The following HEATR5B variants were observed in gnomAD, a reference collection of about 807,000 sequenced individuals.
The protein encoded by HEATR5B is HEAT repeat-containing protein 5B.
In HEATR5B, 156 loss-of-function variants were observed where a neutral mutation model predicts 224.1. The ratio of observed to expected loss-of-function variants is 0.70; its 90% CI spans 0.61 to 0.80. HEATR5B has a LOEUF of 0.80. Ranked by LOEUF, HEATR5B falls within the 30% of genes least tolerant of loss-of-function variation. HEATR5B has a pLI of 0.00. For synonymous variants in HEATR5B, 1,027 were observed against 893.0 expected (o/e 1.15, Z -2.68); for missense variants, 2,323 against 2,535.5 (o/e 0.92, Z 1.80).
intron 7 of HEATR5B, among the ~76,000 whole-genome samples, chr2:37,069,674 C>T (rs1204898809): frequency 1.3e-5 from 2 of 152,046 alleles, no homozygotes; most frequent in African/African-American, 4.8e-5. Flanking sequence ...AATGTAGGAA[C>T]TTCATTTAAA....
intron 33 of HEATR5B, among the ~76,000 whole-genome samples, chr2:36,992,441 C>T (rs1666393130): frequency 6.6e-6 from 1 of 151,896 alleles, no homozygotes; most frequent in African/African-American, 2.4e-5. Context: ...ATTAGCCAGG[C>T]TTGGTGGTGC....
At chr2:37,083,658 AG>A (rs1488747785) in intron 1 of HEATR5B, among the ~76,000 whole-genome samples, 1 of 152,226 alleles carries the variant, frequency 6.6e-6, no homozygotes, top group African/African-American at 2.4e-5. Context: ...TGGAGTGAAA[AG>A]AAAATTAAAA....
intron 21 of HEATR5B, among the ~76,000 whole-genome samples, chr2:37,033,064 A>T (rs1486099973): frequency 6.6e-6 from 1 of 151,916 alleles, no homozygotes; most frequent in East Asian, 1.9e-4. Flanking sequence ...TATTTTTAGT[A>T]GTGTCGGGTT....
At position 36,981,236 on chromosome 2, in the gene HEATR5B, T is replaced by C. The variant is rs1665559491; in HGVS notation, c.*254A>G. The C allele has an allele frequency of 2.9e-6, 1 of 349,732 alleles. No individual in the cohort carries two copies. The highest frequency in any genetic ancestry group is 2.1e-5 in the African/African-American group (1 of 47,218). 21.7% of individuals were successfully genotyped at this position (349,732 alleles called of 1,614,324 possible). ...TAAATTTAAGACTATGGCTCAGTGT[T>C]TGAAAAATAAATAAGTTAACAAAAG... On this transcript the variant is annotated 3_prime_UTR_variant, in exon 36 of 36. Transcript: ENST00000233099.
intron 7 of HEATR5B, among the ~76,000 whole-genome samples, chr2:37,069,917 A>G (rs1432735643): frequency 5.7e-5 from 5 of 87,498 alleles, no homozygotes; most frequent in Non-Finnish European, 1.1e-4. Context: ...TTTTTTTTTG[A>G]GATGGAGTCT....
chr2:37,019,812 G>T lies in HEATR5B; in HGVS notation c.4101C>A (p.Cys1367Ter). 1 of 1,600,574 alleles carries T rather than the reference G, an allele frequency of 6.2e-7. No individual in the cohort carries two copies. The highest frequency in any genetic ancestry group is 8.6e-7 in the Non-Finnish European group (1 of 1,169,430). Residue 1367 changes from cysteine (C) to a stop codon, truncating the protein, a stop_gained, in exon 26 of 36, where the codon TGC becomes TGA. Transcript: ENST00000233099. LOFTEE classifies it high-confidence loss of function. ...DTPSDIIAKA[C>*]QVCSTWIGSG... ...AAAGTCCCATTTTTCTTCTTACCTGGCAAGCTTTCGCTATTATATCTGATG... is the reference window on the plus strand; with the variant it reads ...AAAGTCCCATTTTTCTTCTTACCTGTCAAGCTTTCGCTATTATATCTGATG...
chr2:36,990,806 A>G lies in HEATR5B; in HGVS notation c.5546-7T>C. 6.5e-7 allele frequency: 1 copy of G among 1,537,872 alleles called. No individual in the cohort carries two copies. Among genetic ancestry groups the G allele is most frequent in the Non-Finnish European group, 8.8e-7 (1 of 1,140,936 alleles). On this transcript the variant is annotated splice_region_variant and splice_polypyrimidine_tract_variant and intron_variant, in intron 33 of 35. Transcript: ENST00000233099. Reference sequence around the variant, plus strand: ...GGTGTAGGTACAGAGTCTTCTGAAAATGAAAAATGAAAGAAGTGTGCTGTT... The same window carrying G: ...GGTGTAGGTACAGAGTCTTCTGAAAGTGAAAAATGAAAGAAGTGTGCTGTT...
chr2:37,006,934 C>A (rs911666379), intron 29 of HEATR5B, 116 bp downstream of exon 29: 86 of 911,784 alleles, frequency 9.4e-5, no homozygotes, highest in Non-Finnish European at 9.1e-5. Flanking sequence ...AAAATCCTTT[C>A]ACTTTTCCTT....
At chr2:37,076,771 G>C (rs929294684) in intron 4 of HEATR5B, 140 bp downstream of exon 4, 7 of 609,282 alleles carry the variant, frequency 1.1e-5, no homozygotes, top group African/African-American at 1.1e-4. Flanking sequence ...ATTAAAAGAA[G>C]GGACAAGTAA....
chr2:36,991,136 T>C (rs1666299437), intron 33 of HEATR5B, among the ~76,000 whole-genome samples: 1 of 152,222 alleles, frequency 6.6e-6, no homozygotes. Context: ...TAAATTATTA[T>C]AAAATATTCT....
chr2:37,016,112 T>TC (rs1294146700), intron 26 of HEATR5B, among the ~76,000 whole-genome samples: 1 of 132,994 alleles, frequency 7.5e-6, no homozygotes, highest in Admixed American at 7.1e-5. Flanking sequence ...GTCCTTACTT[T>TC]CTTTTTTTTT....
chr2:37,082,589 T>G, intron 2 of HEATR5B, among the ~76,000 whole-genome samples: 1 of 152,314 alleles, frequency 6.6e-6, no homozygotes, highest in South Asian at 2.1e-4. Flanking sequence ...AACAATACCA[T>G]GAGCGATCTG....
chr2:37,082,793 A>G (rs1672683580), intron 2 of HEATR5B, among the ~76,000 whole-genome samples: 1 of 151,828 alleles, frequency 6.6e-6, no homozygotes, highest in Non-Finnish European at 1.5e-5. Flanking sequence ...AGCCTGTGAG[A>G]CCCCTGATTT....
chr2:37,020,709 A>T lies in HEATR5B; in HGVS notation c.3981T>A (p.Ser1327=), dbSNP rs1558741254. 3.1e-6 allele frequency: 5 copies of T among 1,605,710 alleles called. No homozygotes were observed. The change falls in exon 25 of 36, where the codon TCT becomes TCA. Residue 1327 remains serine (S), a synonymous_variant. Transcript: ENST00000233099. ...GACCTGGAAATTCTGGCTCAGGCAC[A>T]GACGCAAACTTCTTGATAATGTCTT... ...ALEDIIKKFA[S]VPEPEFPGHV... is the part of the protein sequence containing the mutation.
Position 37,075,367 on chromosome 2 carries a change from T to C in HEATR5B, c.597+118A>G, listed in dbSNP as rs1403808988. The C allele has an allele frequency of 8.4e-6, 6 of 712,226 alleles. No homozygotes were observed. In the African/African-American group the frequency reaches 1.1e-4, roughly 13 times the overall value. 44.1% of individuals were successfully genotyped at this position (712,226 alleles called of 1,614,324 possible). The stretch of plus-strand genomic sequence containing the variant: ...TACTATTATATATAATTCTAGAAAA[T>C]GAAACTAATCCATTGGAACACAAAA... On this transcript the variant is annotated intron_variant, in intron 5 of 35. Transcript: ENST00000233099.
chr2:37,066,583 T>C (rs574945315), intron 8 of HEATR5B, among the ~76,000 whole-genome samples: 1 of 152,294 alleles, frequency 6.6e-6, no homozygotes, highest in African/African-American at 2.4e-5. Context: ...TACCCCAACC[T>C]TTTAGCTTCC....
At chr2:37,008,870 C>T (rs757928298) in intron 27 of HEATR5B, 22 bp from the exon 28 acceptor site, 5 of 1,362,174 alleles carry the variant, frequency 3.7e-6, no homozygotes, top group African/African-American at 1.5e-5. Flanking sequence ...TTTATGAGGA[C>T]AAAATAGTAA....
At chr2:37,028,615 A>G in intron 23 of HEATR5B, 66 bp downstream of exon 23, 1 of 1,284,676 alleles carries the variant, frequency 7.8e-7, no homozygotes, top group South Asian at 1.4e-5. Flanking sequence ...TTATACATAT[A>G]TCTATATGTA....
chr2:37,065,027 A>C, intron 9 of HEATR5B, 37 bp from the exon 10 acceptor site: 1 of 1,593,004 alleles, frequency 6.3e-7, no homozygotes, highest in East Asian at 2.3e-5. Context: ...CTCTTTAATG[A>C]AGTCAAATGA....
Sources: gnomAD v4.1 joint callset for allele counts (sites outside exome capture counted in the v4.1 genomes callset) on GRCh38, gnomAD v4.1.1 for gene constraint, MANE v1.5 for transcripts, NCBI Gene and HGNC (gene_info 2026-07-23, HGNC 2026-07-21) for gene names.